The following NNT variants were observed in gnomAD, a reference collection of about 807,000 sequenced individuals.
NNT encodes the protein NAD(P) transhydrogenase, mitochondrial.
A neutral mutation model predicts 104.8 loss-of-function variants in NNT; 50 were observed. The ratio of observed to expected loss-of-function variants is 0.48; its 90% CI spans 0.38 to 0.60. NNT has a LOEUF of 0.60. NNT is among the 20% of genes least tolerant of loss of function. NNT has a pLI of 0.00. For missense variants in NNT, 1,131 were observed against 1,330.7 expected (o/e 0.85, Z 2.33); for synonymous variants, 461 against 490.4 (o/e 0.94, Z 0.79).
intron 17 of NNT, among the ~76,000 whole-genome samples, chr5:43,659,884 C>A (rs1011961264): frequency 2.0e-5 from 3 of 152,142 alleles, no homozygotes; most frequent in Non-Finnish European, 4.4e-5. Flanking sequence ...GTGCCTCTCT[C>A]CATCTGGAGA....
intron 7 of NNT, among the ~76,000 whole-genome samples, chr5:43,629,464 A>G (rs1418433400): frequency 1.3e-5 from 2 of 152,172 alleles, no homozygotes; most frequent in Non-Finnish European, 2.9e-5. Context: ...TTTCTATATA[A>G]TGACTTCTTT....
At chr5:43,605,001 G>A (rs1749129570) in intron 1 of NNT, among the ~76,000 whole-genome samples, 1 of 152,114 alleles carries the variant, frequency 6.6e-6, no homozygotes, top group Admixed American at 6.5e-5. Flanking sequence ...TTAAAGATGA[G>A]GAAATTAAGT....
rs926181570 is a variant in NNT at position 43,648,338 on chromosome 5, C to G, written c.1445-809C>G. 3 of 624,412 alleles carry G rather than the reference C, an allele frequency of 4.8e-6. No homozygotes were observed. In the African/African-American group the frequency reaches 5.9e-5, roughly 12 times the overall value. The allele number at this position is 624,412 out of a possible 1,614,324, so 38.7% of individuals were successfully genotyped here. Reference sequence around the variant, plus strand: ...GAAAGTTAACTTCTAGTTCCCTGGTCACCCACTGTCATTTTCTTTTTACTG... The same window carrying G: ...GAAAGTTAACTTCTAGTTCCCTGGTGACCCACTGTCATTTTCTTTTTACTG... On this transcript the variant is annotated intron_variant, in intron 10 of 21. Transcript: ENST00000344920.
intron 3 of NNT, among the ~76,000 whole-genome samples, chr5:43,614,324 G>A (rs1050652779): frequency 2.0e-5 from 3 of 152,146 alleles, no homozygotes; most frequent in African/African-American, 7.2e-5. Context: ...CAAACTTCTT[G>A]ATCTTGGGGG....
At chr5:43,667,285 AT>A in intron 17 of NNT, 1 of 682,622 alleles carries the variant, frequency 1.5e-6, no homozygotes, top group Non-Finnish European at 2.6e-6. Flanking sequence ...ATTTTTTATT[AT>A]TATACTTTAA....
chr5:43,703,848 A>T (rs1040806309), intron 21 of NNT, among the ~76,000 whole-genome samples: 1 of 152,268 alleles, frequency 6.6e-6, no homozygotes, highest in East Asian at 1.9e-4. Context: ...TTCCCACTCA[A>T]CCTCATCTGT....
At chr5:43,676,101 AC>A (rs2112100488) in intron 18 of NNT, among the ~76,000 whole-genome samples, 1 of 152,350 alleles carries the variant, frequency 6.6e-6, no homozygotes, top group Admixed American at 6.5e-5. Flanking sequence ...GTGGTTTTCA[AC>A]AAAATGAGGC....
intron 7 of NNT, among the ~76,000 whole-genome samples, chr5:43,632,427 A>T (rs945099949): frequency 1.3e-5 from 2 of 152,242 alleles, no homozygotes; most frequent in Non-Finnish European, 2.9e-5. Context: ...CGGAGTTAGT[A>T]AATTTTTATT....
chr5:43,666,819 T>G, intron 17 of NNT: 1 of 1,363,408 alleles, frequency 7.3e-7, no homozygotes, highest in Non-Finnish European at 1.0e-6. Flanking sequence ...GAGCTGGAAC[T>G]GAAGCTGGAG....
chr5:43,651,971 T>C, intron 13 of NNT, 87 bp downstream of exon 13: 1 of 1,405,048 alleles, frequency 7.1e-7, no homozygotes, highest in South Asian at 1.3e-5. Context: ...TAATTCAAAG[T>C]ATCGAGCAAA....
In NNT at chr5:43,613,090, C is replaced by T; in HGVS notation, c.334C>T (p.Gln112Ter). The T allele has an allele frequency of 6.2e-7, 1 of 1,613,408 alleles. No homozygotes were observed. The highest frequency in any genetic ancestry group is 8.5e-7 in the Non-Finnish European group (1 of 1,179,924). Residue 112 changes from glutamine to a stop codon, truncating the protein, a stop_gained, in exon 3 of 22, where the codon CAA becomes TAA. Coordinates refer to ENST00000344920, the MANE Select transcript of NNT (RefSeq NM_182977.3). LOFTEE classifies it high-confidence loss of function. ...TGATCACTATAGAGTGGCAGGTGCC[C>T]AAATCCAAGGGGCAAAGGAAGTGCT... ...SDDHYRVAGA[Q>*]IQGAKEVLAS...
chr5:43,678,515 A>G (rs1321219055), intron 19 of NNT, among the ~76,000 whole-genome samples: 2 of 152,172 alleles, frequency 1.3e-5, no homozygotes, highest in African/African-American at 4.8e-5. Flanking sequence ...TAATGGGGAA[A>G]TCGGATGTCT....
chr5:43,649,126 C>T (rs1739613547), intron 10 of NNT, 21 bp from the exon 11 acceptor site: 1 of 1,613,140 alleles, frequency 6.2e-7, no homozygotes, highest in Admixed American at 1.7e-5. Flanking sequence ...CTCAAACACA[C>T]TCTTTACTCT....
chr5:43,697,247 A>T (rs892597369), intron 19 of NNT, among the ~76,000 whole-genome samples: 3 of 152,200 alleles, frequency 2.0e-5, no homozygotes, highest in African/African-American at 7.2e-5. Context: ...AAAGTTCTGC[A>T]CACCTCTAGG....
At chr5:43,653,597 A>AC (rs1164705949) in intron 14 of NNT, 1 of 154,420 alleles carries the variant, frequency 6.5e-6, no homozygotes, top group Non-Finnish European at 1.4e-5. Flanking sequence ...AAAAAAAAAA[A>AC]CATGTGCCAG....
chr5:43,677,483 G>A (rs529271294), intron 18 of NNT, among the ~76,000 whole-genome samples: 33 of 152,214 alleles, frequency 2.2e-4, no homozygotes, highest in African/African-American at 7.5e-4. Context: ...GCAGTGTCGG[G>A]GGTGGGGTTG....
At chr5:43,684,821 G>A (rs563818888) in intron 19 of NNT, among the ~76,000 whole-genome samples, 1 of 152,164 alleles carries the variant, frequency 6.6e-6, no homozygotes, top group African/African-American at 2.4e-5. Flanking sequence ...AAAGAAACTT[G>A]CCTTTTCAGG....
At chr5:43,691,668 C>T (rs1289027040) in intron 19 of NNT, among the ~76,000 whole-genome samples, 1 of 152,150 alleles carries the variant, frequency 6.6e-6, no homozygotes. Flanking sequence ...ATTAATAATG[C>T]AATGTGATAC....
At chr5:43,629,145 C>T (rs11749515) in intron 7 of NNT, among the ~76,000 whole-genome samples, 9,479 of 152,092 alleles carry the variant, frequency 0.062, 387 homozygotes, top group Non-Finnish European at 0.09. Context: ...AGTCTTTTAT[C>T]CCTCACCCCC....
Sources: gnomAD v4.1 joint callset for allele counts (sites outside exome capture counted in the v4.1 genomes callset) on GRCh38, gnomAD v4.1.1 for gene constraint, MANE v1.5 for transcripts, NCBI Gene and HGNC (gene_info 2026-07-23, HGNC 2026-07-21) for gene names.